The following CMC1 variants were observed in gnomAD, a reference collection of about 807,000 sequenced individuals.
CMC1 encodes COX assembly mitochondrial protein homolog.
In CMC1, 14 loss-of-function variants were observed where a neutral mutation model predicts 14.1. The ratio of observed to expected loss-of-function variants is 0.99; its 90% CI spans 0.66 to 1.55. The LOEUF (loss-of-function observed/expected upper bound fraction) is 1.55. Among genes scored for constraint, CMC1 ranks in the 40% most tolerant of loss-of-function variants. CMC1 has a pLI of 0.00. For missense variants in CMC1, 127 were observed against 123.8 expected (o/e 1.03, Z -0.12); for synonymous variants, 50 against 38.4 (o/e 1.30, Z -1.12).
chr3:28,296,140 T>TA (rs1470335589), intron 2 of CMC1, among the ~76,000 whole-genome samples: 1 of 152,082 alleles, frequency 6.6e-6, no homozygotes, highest in Non-Finnish European at 1.5e-5. Context: ...GTTGTAAGAC[T>TA]AAACAGGCCA....
chr3:28,322,761 A>C lies in CMC1; in HGVS notation c.*3132A>C, dbSNP rs1413298396. 6.6e-6 allele frequency: 1 copy of C among 151,642 alleles called. No individual in the cohort carries two copies. Among genetic ancestry groups the C allele is most frequent in the Non-Finnish European group, 1.5e-5 (1 of 67,412 alleles). 9.4% of individuals were successfully genotyped at this position (151,642 alleles called of 1,614,324 possible). On this transcript the variant is annotated 3_prime_UTR_variant, in exon 4 of 4. Transcript: ENST00000466830. ...CAAGCTTGAATAAGTGTAAGATAAT[A>C]GAAAAAAATATCTAGTGAATGGCGA...
Position 28,241,793 on chromosome 3 carries a change from G to A in CMC1, c.-1G>A. ...GGCTACGTTCTTCTCGGCCCGCCGA[G>A]ATGGCGCTCGACCCCGCAGGTACCG... On this transcript the variant is annotated 5_prime_UTR_variant, in exon 1 of 4. Transcript: ENST00000466830. The A allele has an allele frequency of 8.1e-7, 1 of 1,240,726 alleles. No individual in the cohort carries two copies. Among genetic ancestry groups the A allele is most frequent in the Non-Finnish European group, 1.0e-6 (1 of 988,130 alleles). The allele number at this position is 1,240,726 out of a possible 1,614,324, so 76.9% of individuals were successfully genotyped here. A position where few individuals can be genotyped will look rare whatever the true frequency, so the allele number is the denominator to read the frequency against.
chr3:28,270,256 T>A (rs1158402243), intron 2 of CMC1, among the ~76,000 whole-genome samples: 1 of 152,250 alleles, frequency 6.6e-6, no homozygotes, highest in East Asian at 1.9e-4. Flanking sequence ...ATGATTTATA[T>A]TCCTTTAGGT....
chr3:28,295,071 G>T (rs1270735530), intron 2 of CMC1, among the ~76,000 whole-genome samples: 1 of 152,148 alleles, frequency 6.6e-6, no homozygotes, highest in African/African-American at 2.4e-5. Flanking sequence ...AATACCTTTA[G>T]TGAATAATGT....
rs751701911 is a variant in CMC1, at chr3:28,320,063, A to T, written c.*434A>T. 1 of 156,874 alleles carries T rather than the reference A, an allele frequency of 6.4e-6. No individual in the cohort carries two copies. The highest frequency in any genetic ancestry group is 1.4e-5 in the Non-Finnish European group (1 of 71,350). The allele number at this position is 156,874 out of a possible 1,614,324, so 9.7% of individuals were successfully genotyped here. A position where few individuals can be genotyped will look rare whatever the true frequency, so the allele number is the denominator to read the frequency against. On this transcript the variant is annotated 3_prime_UTR_variant, in exon 4 of 4. Coordinates refer to ENST00000466830, the MANE Select transcript of CMC1 (RefSeq NM_182523.2). Reference sequence around the variant, plus strand: ...AACCAGAATCCTTCCTGATTCTACCACTTATTAGCTATACAGCTGTGGAAG... The same window carrying T: ...AACCAGAATCCTTCCTGATTCTACCTCTTATTAGCTATACAGCTGTGGAAG...
chr3:28,310,936 A>G (rs962107769), intron 2 of CMC1, among the ~76,000 whole-genome samples: 7 of 152,174 alleles, frequency 4.6e-5, no homozygotes, highest in African/African-American at 7.2e-5. Context: ...TGAGAATCTA[A>G]TGCTGCTGCT....
intron 2 of CMC1, among the ~76,000 whole-genome samples, chr3:28,266,892 A>T (rs971749619): frequency 1.3e-5 from 2 of 152,364 alleles, no homozygotes; most frequent in Middle Eastern, 3.4e-3. Flanking sequence ...ACTGGTAGAT[A>T]TTAACACAGT....
At chr3:28,244,881 A>C (rs1237838574) in intron 1 of CMC1, among the ~76,000 whole-genome samples, 10 of 142,444 alleles carry the variant, frequency 7.0e-5, no homozygotes, top group Non-Finnish European at 1.5e-5. Flanking sequence ...GTCAGCAAGT[A>C]GGAAGGTTTT....
In CMC1 at chr3:28,274,212, G is replaced by GTTTTTTTT. The variant is rs376321066; in HGVS notation, c.109+10839_109+10840insTTTTTTTT. ...TTGGTCTTTGTACTAAAGTGTTTTTGTTTTTTTCTTTTTTTTTTTTTTTGC... is the reference window on the plus strand; with the variant it reads ...TTGGTCTTTGTACTAAAGTGTTTTTGTTTTTTTTTTTTTTTCTTTTTTTTTTTTTTTGC... On this transcript the variant is annotated intron_variant, in intron 2 of 3. Coordinates refer to ENST00000466830, the MANE Select transcript of CMC1 (RefSeq NM_182523.2). Among the ~76,000 whole-genome samples, 153 of 88,112 alleles carry GTTTTTTTT rather than the reference G, an allele frequency of 1.7e-3. 12 individuals carry two copies. Among genetic ancestry groups the GTTTTTTTT allele is most frequent in the Middle Eastern group, 5.7e-3 (1 of 176 alleles). The allele number at this position is 88,112 out of a possible 152,430, so 57.8% of individuals were successfully genotyped here.
intron 1 of CMC1, among the ~76,000 whole-genome samples, chr3:28,257,623 A>T (rs1699482441): frequency 6.6e-6 from 1 of 151,904 alleles, no homozygotes; most frequent in South Asian, 2.1e-4. Flanking sequence ...GGTTCAAGCG[A>T]TTTTCCTGCC....
chr3:28,276,731 T>G (rs946275182), intron 2 of CMC1, among the ~76,000 whole-genome samples: 1 of 152,174 alleles, frequency 6.6e-6, no homozygotes, highest in Admixed American at 6.5e-5. Flanking sequence ...CCACAGATAA[T>G]CATATTTTAC....
chr3:28,298,007 T>C (rs1230138772), intron 2 of CMC1, among the ~76,000 whole-genome samples: 1 of 151,984 alleles, frequency 6.6e-6, no homozygotes, highest in Non-Finnish European at 1.5e-5. Context: ...GAGATGTTGG[T>C]CTGGTTCAAG....
chr3:28,241,894 T>TG (rs2125406318), intron 1 of CMC1, 82 bp downstream of exon 1: 1 of 1,206,436 alleles, frequency 8.3e-7, no homozygotes, highest in East Asian at 3.2e-5. Flanking sequence ...GATGCCGACC[T>TG]GGGAAAGGTG....
chr3:28,271,988 A>T (rs561311870), intron 2 of CMC1, among the ~76,000 whole-genome samples: 15 of 152,060 alleles, frequency 9.9e-5, no homozygotes, highest in African/African-American at 3.6e-4. Context: ...TGTAGCAATT[A>T]TGAATGGGAG....
At chr3:28,282,526 A>G (rs1334984307) in intron 2 of CMC1, among the ~76,000 whole-genome samples, 1 of 152,238 alleles carries the variant, frequency 6.6e-6, no homozygotes, top group Non-Finnish European at 1.5e-5. Context: ...TTTGAAATCA[A>G]AGCTAAAGAA....
chr3:28,272,580 G>T (rs370259972), intron 2 of CMC1, among the ~76,000 whole-genome samples: 4 of 152,126 alleles, frequency 2.6e-5, no homozygotes, highest in Non-Finnish European at 2.9e-5. Flanking sequence ...TGACTTCATC[G>T]TGGTGGATAA....
At chr3:28,297,656 C>T (rs1178110002) in intron 2 of CMC1, among the ~76,000 whole-genome samples, 3 of 151,994 alleles carry the variant, frequency 2.0e-5, no homozygotes, top group Admixed American at 6.6e-5. Flanking sequence ...TTTGTTTTTC[C>T]TCTGCAGTGT....
chr3:28,247,017 C>T (rs1361900308), intron 1 of CMC1, among the ~76,000 whole-genome samples: 1 of 152,012 alleles, frequency 6.6e-6, no homozygotes, highest in African/African-American at 2.4e-5. Context: ...ATCGTTTGTA[C>T]TCTGTTAATG....
chr3:28,252,465 T>C (rs1699179014), intron 1 of CMC1, among the ~76,000 whole-genome samples: 3 of 152,218 alleles, frequency 2.0e-5, no homozygotes, highest in Admixed American at 2.0e-4. Flanking sequence ...TTTGAATGTG[T>C]TTTTCAGCCA....
Sources: allele counts gnomAD v4.1 joint callset (sites outside exome capture counted in the v4.1 genomes callset), GRCh38; gene constraint gnomAD v4.1.1; transcripts MANE v1.5; gene names NCBI Gene and HGNC (gene_info 2026-07-23, HGNC 2026-07-21).